The following STK32C variants were observed in gnomAD, a reference collection of about 807,000 sequenced individuals.
The protein encoded by STK32C is serine/threonine kinase 32C, also known as serine/threonine-protein kinase 32C.
STK32C carries 31 observed loss-of-function variants against 56.5 expected under a neutral mutation model. The ratio of observed to expected loss-of-function variants is 0.55; its 90% confidence interval spans 0.41 to 0.74. The LOEUF (loss-of-function observed/expected upper bound fraction) is 0.74, where lower values mean the gene tolerates loss of function less well. Among genes scored for constraint, STK32C ranks in the 30% least tolerant of loss-of-function variants. STK32C has a pLI of 0.00. For synonymous variants in STK32C, 309 were observed against 289.4 expected, an observed-to-expected ratio of 1.07 and a Z score of -0.69; for missense variants, 544 against 676.9, an observed-to-expected ratio of 0.80 and a Z score of 2.18.
intron 1 of STK32C, among the ~76,000 whole-genome samples, chr10:132,280,002 T>C (rs1484952925): frequency 5.3e-3 from 243 of 45,572 alleles, no homozygotes; most frequent in Middle Eastern, 0.022. Flanking sequence ...CCCTGCACTC[T>C]GTGACCACGC....
chr10:132,224,603 G>A (rs541682353), intron 7 of STK32C, 80 bp from the exon 8 acceptor site: 97 of 1,036,950 alleles, frequency 9.4e-5, no homozygotes, highest in East Asian at 1.5e-4. Context: ...AGGTGCCATC[G>A]CCCTGAGAGG....
intron 1 of STK32C, among the ~76,000 whole-genome samples, chr10:132,314,334 G>T (rs2066276055): frequency 6.6e-6 from 1 of 152,184 alleles, no homozygotes; most frequent in Admixed American, 6.5e-5. Flanking sequence ...TACAGCTCAG[G>T]TTTGACTGTG....
At chr10:132,314,204 T>A (rs994709334) in intron 1 of STK32C, among the ~76,000 whole-genome samples, 1 of 152,228 alleles carries the variant, frequency 6.6e-6, no homozygotes, top group South Asian at 2.1e-4. Flanking sequence ...TCATCGCTCA[T>A]AGCAGAACTA....
intron 1 of STK32C, among the ~76,000 whole-genome samples, chr10:132,246,871 C>A (rs2137940993): frequency 6.6e-6 from 1 of 152,238 alleles, no homozygotes; most frequent in South Asian, 2.1e-4. Context: ...CCTGTGTCCC[C>A]AATTCTGCAC....
intron 1 of STK32C, among the ~76,000 whole-genome samples, chr10:132,264,946 A>G (rs1456996337): frequency 6.6e-6 from 1 of 152,272 alleles, no homozygotes; most frequent in Non-Finnish European, 1.5e-5. Flanking sequence ...AGCCTCATCC[A>G]TCATACCCGT....
upstream of STK32C, among the ~76,000 whole-genome samples, chr10:132,310,363 G>A (rs1452512874): frequency 6.6e-6 from 1 of 152,220 alleles, no homozygotes; most frequent in Non-Finnish European, 1.5e-5. This position sits in a 1 kb window ranked among gnomAD's most constrained non-coding sequence, Gnocchi z 4.6. Flanking sequence ...CACAACTCTT[G>A]TACTGTCCAG....
chr10:132,290,708 T>C (rs187222552), intron 1 of STK32C, among the ~76,000 whole-genome samples: 11 of 152,324 alleles, frequency 7.2e-5, no homozygotes, highest in Admixed American at 7.2e-4. Context: ...CCTGGGGCGC[T>C]GGACATTGCT....
At chr10:132,305,435 T>G (rs1041525559) in intron 1 of STK32C, among the ~76,000 whole-genome samples, 16 of 152,240 alleles carry the variant, frequency 1.1e-4, no homozygotes, top group African/African-American at 3.6e-4. Context: ...ATTAATTAGG[T>G]GTTTTAATCT....
At chr10:132,263,978 C>T (rs979619824) in intron 1 of STK32C, among the ~76,000 whole-genome samples, 2 of 152,122 alleles carry the variant, frequency 1.3e-5, no homozygotes, top group Non-Finnish European at 2.9e-5. Flanking sequence ...GTGAAGGCAG[C>T]CAGAGACAAG....
At position 132,282,080 on chromosome 10, in the gene STK32C, C is replaced by T. The variant is rs569721702; in HGVS notation, c.262+25492G>A. Among the ~76,000 whole-genome samples the T allele has an allele frequency of 7.0e-4, 107 of 152,310 alleles. 1 individual carries two copies. The highest frequency in any genetic ancestry group is 2.2e-3 in the African/African-American group (92 of 41,570). On this transcript the variant is annotated intron_variant, in intron 1 of 11. Transcript: ENST00000298630. ...TGGCCAGGCAGCAGCCCAGCCGCTC[C>T]GGGGGTGGGGGCGACAGGTGCTGGG... is the stretch of plus-strand genomic sequence containing the variant.
intron 1 of STK32C, among the ~76,000 whole-genome samples, chr10:132,252,438 G>A (rs913757943): frequency 3.3e-5 from 5 of 152,382 alleles, no homozygotes; most frequent in East Asian, 1.9e-4. Flanking sequence ...CACGCTCCTC[G>A]GCGTGATTTA....
intron 1 of STK32C, among the ~76,000 whole-genome samples, chr10:132,285,187 C>T (rs1034010767): frequency 2.0e-5 from 3 of 151,850 alleles, no homozygotes; most frequent in Non-Finnish European, 4.4e-5. Flanking sequence ...AGAACACATT[C>T]CCACACCTGC....
At chr10:132,298,796 G>T (rs2065832046) in intron 1 of STK32C, among the ~76,000 whole-genome samples, 1 of 152,158 alleles carries the variant, frequency 6.6e-6, no homozygotes, top group Non-Finnish European at 1.5e-5. Context: ...ACATGGGGAA[G>T]CTGGCCTGGA....
upstream of STK32C, among the ~76,000 whole-genome samples, chr10:132,312,796 T>C (rs985621483): frequency 6.6e-5 from 10 of 152,174 alleles, no homozygotes; most frequent in Non-Finnish European, 1.2e-4. Flanking sequence ...TCCCAACACT[T>C]TGGGAGGCCG....
chr10:132,209,823 T>G lies in STK32C; in HGVS notation c.1252-722A>C, dbSNP rs754800046. On this transcript the variant is annotated intron_variant, in intron 10 of 11. Coordinates refer to ENST00000298630, the MANE Select transcript of STK32C (RefSeq NM_173575.4). ...CAGACCCAGATGAGCCAAGTCACAG[T>G]GAAAAGTGCAGGGAGTCGCAGGCCT... Among the ~76,000 whole-genome samples, 5 of 151,958 alleles carry G rather than the reference T, an allele frequency of 3.3e-5. 1 individual carries two copies. The highest frequency in any genetic ancestry group is 2.0e-4 in the Admixed American group (3 of 15,266).
intron 1 of STK32C, among the ~76,000 whole-genome samples, chr10:132,262,013 TG>T (rs1164261183): frequency 6.6e-6 from 1 of 152,156 alleles, no homozygotes; most frequent in African/African-American, 2.4e-5. Flanking sequence ...AGAACAAAGC[TG>T]GGGGCATCAC....
intron 1 of STK32C, among the ~76,000 whole-genome samples, chr10:132,297,776 T>C (rs1257856964): frequency 2.0e-5 from 3 of 152,078 alleles, no homozygotes; most frequent in Non-Finnish European, 2.9e-5. Flanking sequence ...GAAGCCCCCG[T>C]AGTCAGGGGC....
chr10:132,227,930 G>A (rs1458646959), intron 3 of STK32C, 47 bp downstream of exon 3: 2 of 1,600,152 alleles, frequency 1.2e-6, no homozygotes, highest in Non-Finnish European at 8.5e-7. Flanking sequence ...TGCCTTCCCG[G>A]CTTCAGGACG....
At chr10:132,274,498 G>A (rs559070694) in intron 1 of STK32C, among the ~76,000 whole-genome samples, 2 of 152,224 alleles carry the variant, frequency 1.3e-5, no homozygotes, top group African/African-American at 2.4e-5. Flanking sequence ...TTGTTTTGCA[G>A]GAAATGTGCA....
Sources: allele counts gnomAD v4.1 joint callset (sites outside exome capture counted in the v4.1 genomes callset), GRCh38; gene constraint gnomAD v4.1.1; non-coding constraint Gnocchi (gnomAD v3.1); transcripts MANE v1.5; gene names NCBI Gene and HGNC (gene_info 2026-07-23, HGNC 2026-07-21).